The following CTNNA2 variants were observed in gnomAD, a reference collection of about 807,000 sequenced individuals.
The protein encoded by CTNNA2 is catenin alpha 2.
Under a neutral mutation model 101.0 loss-of-function variants are expected in CTNNA2, and 42 were observed. That is an observed-to-expected ratio of 0.42 (90% CI 0.32 to 0.54). CTNNA2 has a LOEUF of 0.54. Ranked by LOEUF, CTNNA2 falls within the 20% of genes least tolerant of loss-of-function variation. The pLI, the probability that CTNNA2 is intolerant of heterozygous loss-of-function variation, is 0.14. For synonymous variants in CTNNA2, 450 were observed against 456.4 expected, an observed-to-expected ratio of 0.99 and a Z score of 0.18; for missense variants, 871 against 1,223.1, an observed-to-expected ratio of 0.71 and a Z score of 4.29.
chr2:79,364,385 G>A (rs1034556232), intron 3 of CTNNA2, among the ~76,000 whole-genome samples: 8 of 151,978 alleles, frequency 5.3e-5, no homozygotes, highest in Non-Finnish European at 1.0e-4. Flanking sequence ...GTCACTATAG[G>A]GCCAGTCTTA....
intron 15 of CTNNA2, among the ~76,000 whole-genome samples, chr2:80,590,398 C>T (rs1696368348): frequency 6.6e-6 from 1 of 151,952 alleles, no homozygotes; most frequent in Non-Finnish European, 1.5e-5. Flanking sequence ...ATAAATTATG[C>T]TGTTATACAG....
In CTNNA2 at chr2:80,122,592, CTG is replaced by C. The variant is rs146061727; in HGVS notation, c.1056+212798_1056+212799del. ...ATTGGTTTTCCACATATGCATTACT[CTG>C]TGGAAATTGACCCAAGATTTTGATC... On this transcript the variant is annotated intron_variant, in intron 7 of 18. Coordinates refer to ENST00000402739, the MANE Select transcript of CTNNA2 (RefSeq NM_001282597.3). Among the ~76,000 whole-genome samples the C allele has an allele frequency of 9.3e-3, 1,417 of 152,196 alleles. 19 individuals carry two copies. Among genetic ancestry groups the C allele is most frequent in the African/African-American group, 0.033 (1,355 of 41,498 alleles).
chr2:79,690,470 ATTC>A (rs1684214823), intron 2 of CTNNA2, among the ~76,000 whole-genome samples: 1 of 151,996 alleles, frequency 6.6e-6, no homozygotes, highest in Non-Finnish European at 1.5e-5. Flanking sequence ...ACATGAACTC[ATTC>A]TTTTTTATGG....
chr2:79,724,440 C>T (rs2104880960), intron 2 of CTNNA2, among the ~76,000 whole-genome samples: 1 of 152,012 alleles, frequency 6.6e-6, no homozygotes, highest in African/African-American at 2.4e-5. Context: ...GGAGGATGGT[C>T]TGCTGTTCTC....
At chr2:80,204,490 T>G (rs1303518429) in intron 7 of CTNNA2, among the ~76,000 whole-genome samples, 1 of 152,228 alleles carries the variant, frequency 6.6e-6, no homozygotes, top group East Asian at 1.9e-4. Context: ...GTCTCTTTGC[T>G]AAAACATAAC....
chr2:79,393,779 G>T (rs1678200029), intron 4 of CTNNA2, among the ~76,000 whole-genome samples: 1 of 151,926 alleles, frequency 6.6e-6, no homozygotes. Flanking sequence ...CTCCAATCAA[G>T]AACTAATAGT....
intron 3 of CTNNA2, among the ~76,000 whole-genome samples, chr2:79,855,050 A>C (rs1681019090): frequency 2.6e-5 from 4 of 152,202 alleles, no homozygotes; most frequent in Admixed American, 2.6e-4. Flanking sequence ...TCAACATGAA[A>C]TCACTTGTAT....
chr2:80,129,817 G>A (rs945561611), intron 7 of CTNNA2, among the ~76,000 whole-genome samples: 1 of 152,092 alleles, frequency 6.6e-6, no homozygotes, highest in Non-Finnish European at 1.5e-5. Flanking sequence ...CTGGTCACCT[G>A]GCTACTCTAC....
intron 3 of CTNNA2, among the ~76,000 whole-genome samples, chr2:79,838,495 T>A (rs1679562135): frequency 6.6e-6 from 1 of 152,140 alleles, no homozygotes; most frequent in South Asian, 2.1e-4. Context: ...AAAAGAGTGA[T>A]AATTGGTAGA....
At chr2:79,963,458 T>C (rs565393358) in intron 7 of CTNNA2, among the ~76,000 whole-genome samples, 2 of 152,184 alleles carry the variant, frequency 1.3e-5, no homozygotes, top group Admixed American at 6.5e-5. Context: ...CATCACTGCT[T>C]GATGAGAGCT....
At chr2:79,501,144 A>G (rs1671314713) in intron 4 of CTNNA2, among the ~76,000 whole-genome samples, 3 of 152,204 alleles carry the variant, frequency 2.0e-5, no homozygotes, top group Non-Finnish European at 4.4e-5. Flanking sequence ...TTCTTGGGTT[A>G]GGTAGCTTGT....
In CTNNA2 at chr2:79,559,368, G is replaced by A. The variant is rs771188102; in HGVS notation, c.-6+46161G>A. ...GTTTATGATTGGGTAGATGTGGGGC[G>A]GTTCCAAGGATTTGGATTTTGATTG... is the stretch of plus-strand genomic sequence containing the variant. On this transcript the variant is annotated intron_variant, in intron 1 of 18. Transcript: ENST00000402739. 4.5e-4 allele frequency among the ~76,000 whole-genome samples: 68 copies of A among 151,904 alleles called. 1 individual carries two copies. Among genetic ancestry groups the A allele is most frequent in the Non-Finnish European group, 6.6e-4 (45 of 67,856 alleles).
intron 7 of CTNNA2, among the ~76,000 whole-genome samples, chr2:80,091,530 G>T (rs1307830195): frequency 1.3e-5 from 2 of 152,072 alleles, no homozygotes; most frequent in East Asian, 3.9e-4. Context: ...ATTTGGGCTA[G>T]AGCCAGCAGG....
At chr2:80,450,584 C>CT (rs1216177560) in intron 9 of CTNNA2, among the ~76,000 whole-genome samples, 1 of 152,062 alleles carries the variant, frequency 6.6e-6, no homozygotes, top group Non-Finnish European at 1.5e-5. Flanking sequence ...CCAAGTCTAT[C>CT]TTTTTTCTTG....
At chr2:80,552,431 C>T (rs180785258) in intron 11 of CTNNA2, among the ~76,000 whole-genome samples, 26 of 152,238 alleles carry the variant, frequency 1.7e-4, no homozygotes, top group South Asian at 4.1e-4. Flanking sequence ...CATTCTGAAC[C>T]GTAGTAGCTT....
rs1486113890 is a variant in CTNNA2 at position 79,665,309 on chromosome 2, C to T, written c.102+13651C>T. Among the ~76,000 whole-genome samples, 3 of 152,146 alleles carry T rather than the reference C, an allele frequency of 2.0e-5. No homozygotes were observed. The East Asian group carries it at 5.8e-4, about 29-fold the overall frequency. Reference sequence around the variant, plus strand: ...CTTGTGCACCTTCCCTGTTATCTCACAGTGTTTTGATTCCTGATTTGAAAT... The same window carrying T: ...CTTGTGCACCTTCCCTGTTATCTCATAGTGTTTTGATTCCTGATTTGAAAT... On this transcript the variant is annotated intron_variant, in intron 2 of 18. Coordinates refer to ENST00000402739, the MANE Select transcript of CTNNA2 (RefSeq NM_001282597.3).
chr2:79,441,727 A>C (rs904679910), intron 4 of CTNNA2, among the ~76,000 whole-genome samples: 6 of 152,148 alleles, frequency 3.9e-5, no homozygotes, highest in African/African-American at 1.4e-4. Context: ...CCTTTCCCTC[A>C]GTTAAAAACT....
intron 1 of CTNNA2, among the ~76,000 whole-genome samples, chr2:79,610,704 G>A (rs961075567): frequency 2.0e-5 from 3 of 152,102 alleles, no homozygotes; most frequent in Admixed American, 6.6e-5. Flanking sequence ...CTGTGAAGAA[G>A]GGATGGGATG....
chr2:80,147,636 T>C (rs1456355502), intron 7 of CTNNA2, among the ~76,000 whole-genome samples: 1 of 152,178 alleles, frequency 6.6e-6, no homozygotes, highest in Admixed American at 6.5e-5. Flanking sequence ...ATGCTGTATA[T>C]GCTTTTCTTA....
Sources: allele counts gnomAD v4.1 joint callset (sites outside exome capture counted in the v4.1 genomes callset), GRCh38; gene constraint gnomAD v4.1.1; transcripts MANE v1.5; gene names NCBI Gene and HGNC (gene_info 2026-07-23, HGNC 2026-07-21).